The following DENND2B variants were observed in gnomAD, a reference collection of about 807,000 sequenced individuals.
The protein encoded by DENND2B is DENN domain containing 2B.
Under a neutral mutation model 116.0 loss-of-function variants are expected in DENND2B, and 32 were observed. The ratio of observed to expected loss-of-function variants is 0.28; its 90% confidence interval spans 0.21 to 0.37. The LOEUF is 0.37. DENND2B is among the 10% of genes least tolerant of loss of function. The pLI is 1.00. For missense variants in DENND2B, 1,276 were observed against 1,477.7 expected (o/e 0.86, Z 2.24); for synonymous variants, 588 against 583.9 (o/e 1.01, Z -0.10).
At chr11:8,724,387 C>A (rs2046732933) in intron 4 of DENND2B, among the ~76,000 whole-genome samples, 1 of 152,266 alleles carries the variant, frequency 6.6e-6, no homozygotes, top group African/African-American at 2.4e-5. Context: ...ACTAACACCA[C>A]ATTCTTCAGA....
intron 1 of DENND2B, among the ~76,000 whole-genome samples, chr11:8,772,997 G>C (rs1031162563): frequency 6.6e-6 from 1 of 152,056 alleles, no homozygotes; most frequent in Non-Finnish European, 1.5e-5. Flanking sequence ...CCCGCTCTGA[G>C]CCCTGAGTTT....
chr11:8,859,581 T>G (rs1193790258), intron 2 of DENND2B, among the ~76,000 whole-genome samples: 1 of 152,238 alleles, frequency 6.6e-6, no homozygotes, highest in Non-Finnish European at 1.5e-5. Context: ...GTGCTGGGAT[T>G]ACAGGCGTGA....
chr11:8,762,983 T>C (rs143648766), intron 1 of DENND2B, among the ~76,000 whole-genome samples: 179 of 152,176 alleles, frequency 1.2e-3, no homozygotes, highest in African/African-American at 3.9e-3. Flanking sequence ...TATAAGACAA[T>C]GTACTCAGTA....
intron 3 of DENND2B, among the ~76,000 whole-genome samples, chr11:8,852,225 G>A (rs896971861): frequency 6.6e-6 from 1 of 152,176 alleles, no homozygotes; most frequent in Non-Finnish European, 1.5e-5. Flanking sequence ...GCAAGTGGAG[G>A]ACTGAAGTAA....
chr11:8,787,995 G>A (rs901056297), intron 1 of DENND2B, among the ~76,000 whole-genome samples: 10 of 152,068 alleles, frequency 6.6e-5, no homozygotes, highest in African/African-American at 2.4e-4. Context: ...GGAATATGAT[G>A]TGCTCAGAAA....
At position 8,743,379 on chromosome 11, in the gene DENND2B, G is replaced by A. The variant is rs149244143; in HGVS notation, c.80+7242C>T. On this transcript the variant is annotated intron_variant, in intron 2 of 19. Coordinates refer to ENST00000313726, the MANE Select transcript of DENND2B (RefSeq NM_213618.2). ...AGCCTGGTCAACATGGCAAAACCCCGTCTCTACTAAAAATGCAAAAATTAG... is the reference window on the plus strand; with the variant it reads ...AGCCTGGTCAACATGGCAAAACCCCATCTCTACTAAAAATGCAAAAATTAG... Among the ~76,000 whole-genome samples, 383 of 151,484 alleles carry A rather than the reference G, an allele frequency of 2.5e-3. 10 individuals carry two copies. Among genetic ancestry groups the A allele is most frequent in the East Asian group, 0.018 (91 of 5,094 alleles).
chr11:8,784,828 AC>A (rs1241651065), intron 1 of DENND2B, among the ~76,000 whole-genome samples: 1 of 141,788 alleles, frequency 7.1e-6, no homozygotes, highest in Non-Finnish European at 1.5e-5. Context: ...ACAAAGTAAG[AC>A]TCCTTCTCAA....
At chr11:8,882,930 G>C (rs1223301988) in intron 1 of DENND2B, among the ~76,000 whole-genome samples, 1 of 152,240 alleles carries the variant, frequency 6.6e-6, no homozygotes, top group Non-Finnish European at 1.5e-5. Flanking sequence ...TGAGACTGTA[G>C]TAAGCTGTGA....
At chr11:8,848,235 G>C (rs902673805) in intron 3 of DENND2B, among the ~76,000 whole-genome samples, 3 of 152,150 alleles carry the variant, frequency 2.0e-5, no homozygotes, top group Non-Finnish European at 4.4e-5. Flanking sequence ...ATATCTCTTA[G>C]AGCTTTGATC....
At chr11:8,807,379 G>A (rs1389302793) in intron 1 of DENND2B, among the ~76,000 whole-genome samples, 1 of 152,144 alleles carries the variant, frequency 6.6e-6, no homozygotes, top group East Asian at 1.9e-4. Context: ...AATCAGATGC[G>A]GTGGGGAGTG....
At chr11:8,785,003 C>T (rs922020616) in intron 1 of DENND2B, among the ~76,000 whole-genome samples, 3 of 152,154 alleles carry the variant, frequency 2.0e-5, no homozygotes, top group African/African-American at 7.2e-5. Context: ...CATGGAAGTT[C>T]TACTGGCACG....
chr11:8,834,940 G>A (rs988366103), intron 4 of DENND2B, among the ~76,000 whole-genome samples: 4 of 152,126 alleles, frequency 2.6e-5, no homozygotes, highest in African/African-American at 7.2e-5. Flanking sequence ...CAAAATGTAA[G>A]AGGAATAAAA....
intron 5 of DENND2B, among the ~76,000 whole-genome samples, chr11:8,717,308 C>T (rs1251188785): frequency 6.6e-6 from 1 of 152,214 alleles, no homozygotes; most frequent in Non-Finnish European, 1.5e-5. Context: ...CACCTAGCCC[C>T]CTAATGCCAG....
Position 8,729,460 on chromosome 11 carries a change from TCAGG to T in DENND2B, c.1340+486_1340+489del, listed in dbSNP as rs2047706708. Among the ~76,000 whole-genome samples, 2 of 152,222 alleles carry T rather than the reference TCAGG, an allele frequency of 1.3e-5. 1 individual carries two copies. The highest frequency in any genetic ancestry group is 4.1e-4 in the South Asian group (2 of 4,832). Reference sequence around the variant, plus strand: ...GGGTTCGTATATGGCCAGGAGGCCTTCAGGAGAGAAGGAATTGTGTTAAATTTGC... The same window carrying T: ...GGGTTCGTATATGGCCAGGAGGCCTTAGAGAAGGAATTGTGTTAAATTTGC... On this transcript the variant is annotated intron_variant, in intron 3 of 19. Transcript: ENST00000313726.
At chr11:8,820,394 T>G (rs1175766187) in intron 4 of DENND2B, among the ~76,000 whole-genome samples, 1 of 152,224 alleles carries the variant, frequency 6.6e-6, no homozygotes, top group Non-Finnish European at 1.5e-5. Context: ...AGACTTTGAC[T>G]CAGTAGCCTC....
chr11:8,812,107 T>G (rs2061405100), upstream of DENND2B, among the ~76,000 whole-genome samples: 1 of 152,190 alleles, frequency 6.6e-6, no homozygotes, highest in African/African-American at 2.4e-5. Flanking sequence ...ACTTATACAG[T>G]TAGGCAGTCA....
chr11:8,823,891 C>A (rs1223795177), intron 4 of DENND2B, among the ~76,000 whole-genome samples: 1 of 115,408 alleles, frequency 8.7e-6, no homozygotes, highest in Admixed American at 1.1e-4. Context: ...ACTGCTCATT[C>A]TTCTTCTTCT....
chr11:8,807,703 C>T (rs2060998946), intron 1 of DENND2B: 1 of 152,262 alleles, frequency 6.6e-6, no homozygotes, highest in Non-Finnish European at 1.5e-5. Flanking sequence ...TGACTCAGCT[C>T]TGGGAAGCCG....
In DENND2B at chr11:8,729,932, C is replaced by T. The variant is rs11042053; in HGVS notation, c.1340+18G>A. ...GCCACGGTATTCAGCTACAACACAC[C>T]GGAGGGGCATGCATTACCTGCTCTG... On this transcript the variant is annotated intron_variant, in intron 3 of 19. Transcript: ENST00000313726. 0.015 allele frequency: 24,511 copies of T among 1,611,862 alleles called. 220 individuals carry two copies. Among genetic ancestry groups the T allele is most frequent in the Non-Finnish European group, 0.019 (22,197 of 1,178,868 alleles).
Sources: allele counts gnomAD v4.1 joint callset (sites outside exome capture counted in the v4.1 genomes callset), GRCh38; gene constraint gnomAD v4.1.1; transcripts MANE v1.5; gene names NCBI Gene and HGNC (gene_info 2026-07-23, HGNC 2026-07-21).